The following ENOX1 variants were observed in gnomAD, a reference collection of about 807,000 sequenced individuals.
The protein encoded by ENOX1 is ecto-NOX disulfide-thiol exchanger 1, also known as candidate growth-related and time keeping constitutive hydroquinone (NADH) oxidase.
ENOX1 carries 42 observed loss-of-function variants against 82.5 expected under a neutral mutation model. That is an observed-to-expected ratio of 0.51 (90% CI 0.40 to 0.66). The LOEUF is 0.66. Ranked by LOEUF, ENOX1 falls within the 30% of genes least tolerant of loss-of-function variation. The pLI is 0.00. For missense variants in ENOX1, 608 were observed against 811.6 expected, an observed-to-expected ratio of 0.75 and a Z score of 3.05; for synonymous variants, 271 against 282.2, an observed-to-expected ratio of 0.96 and a Z score of 0.40.
chr13:43,332,313 C>T (rs981268210), intron 9 of ENOX1, among the ~76,000 whole-genome samples: 2 of 152,142 alleles, frequency 1.3e-5, no homozygotes, highest in African/African-American at 4.8e-5. Context: ...ACCTAGATCC[C>T]TTGCATGCAC....
At chr13:43,507,554 C>G (rs976620261) in intron 2 of ENOX1, among the ~76,000 whole-genome samples, 2 of 152,020 alleles carry the variant, frequency 1.3e-5, no homozygotes, top group Non-Finnish European at 2.9e-5. Context: ...CTAGCCAAAT[C>G]TAGCCAAAAT....
At chr13:43,535,349 A>G (rs1016611343) in intron 2 of ENOX1, among the ~76,000 whole-genome samples, 1 of 152,204 alleles carries the variant, frequency 6.6e-6, no homozygotes, top group Non-Finnish European at 1.5e-5. Flanking sequence ...CTGAGCAAAA[A>G]CATATGAGAA....
intron 1 of ENOX1, among the ~76,000 whole-genome samples, chr13:43,671,681 G>A (rs1362065614): frequency 6.6e-6 from 1 of 152,112 alleles, no homozygotes; most frequent in Non-Finnish European, 1.5e-5. Context: ...GAATAGATCT[G>A]CTCTACAGAT....
chr13:43,384,482 C>T (rs73469675), intron 5 of ENOX1, among the ~76,000 whole-genome samples: 2,120 of 152,264 alleles, frequency 0.014, 59 homozygotes, highest in African/African-American at 0.049. Context: ...CCCATAACCC[C>T]ATGAATTAGA....
At chr13:43,300,032 G>C (rs1006459671) in intron 11 of ENOX1, among the ~76,000 whole-genome samples, 2 of 152,164 alleles carry the variant, frequency 1.3e-5, no homozygotes, top group African/African-American at 2.4e-5. Flanking sequence ...TTTTATAGTT[G>C]AGTGTTTTAC....
chr13:43,260,380 T>G (rs1216793615), intron 14 of ENOX1, among the ~76,000 whole-genome samples: 1 of 152,230 alleles, frequency 6.6e-6, no homozygotes, highest in Non-Finnish European at 1.5e-5. Context: ...TGCAAATGAT[T>G]TCTTTAACCC....
rs1008330912 is a variant in ENOX1 at position 43,338,922 on chromosome 13, T to A, written c.1036+5616A>T. ...GGATGGTCTCGATCTCCTGACCTCG[T>A]GATCCGCCCGCCTTGGCCTCCCAAA... On this transcript the variant is annotated intron_variant, in intron 9 of 16. Transcript: ENST00000690772. 1.2e-4 allele frequency among the ~76,000 whole-genome samples: 19 copies of A among 152,242 alleles called. 1 individual carries two copies. The highest frequency in any genetic ancestry group is 4.6e-4 in the African/African-American group (19 of 41,562).
intron 11 of ENOX1, among the ~76,000 whole-genome samples, chr13:43,302,118 A>G (rs2046612189): frequency 6.6e-6 from 1 of 152,196 alleles, no homozygotes; most frequent in South Asian, 2.1e-4. Context: ...ATTAAAAAAA[A>G]AAAAAGTACA....
At chr13:43,778,203 C>G (rs896051510) in intron 1 of ENOX1, among the ~76,000 whole-genome samples, 6 of 152,354 alleles carry the variant, frequency 3.9e-5, no homozygotes, top group Non-Finnish European at 7.3e-5. Flanking sequence ...CAATTAGAAG[C>G]CTGCCTTATC....
chr13:43,617,211 T>A (rs1006156762), intron 2 of ENOX1, among the ~76,000 whole-genome samples: 1 of 152,218 alleles, frequency 6.6e-6, no homozygotes, highest in Non-Finnish European at 1.5e-5. Context: ...ATATAAACAA[T>A]CTGCCAATGC....
intron 12 of ENOX1, among the ~76,000 whole-genome samples, chr13:43,271,924 T>C (rs1464402257): frequency 6.6e-6 from 1 of 152,154 alleles, no homozygotes; most frequent in Non-Finnish European, 1.5e-5. Flanking sequence ...TTATGTTTCT[T>C]ATTGTTTGCT....
chr13:43,476,326 C>A (rs1246295082), intron 3 of ENOX1, among the ~76,000 whole-genome samples: 1 of 151,930 alleles, frequency 6.6e-6, no homozygotes, highest in Non-Finnish European at 1.5e-5. Flanking sequence ...AGACACTAAA[C>A]AACATTTAAC....
intron 2 of ENOX1, among the ~76,000 whole-genome samples, chr13:43,613,008 T>C (rs1318987617): frequency 1.3e-5 from 2 of 152,200 alleles, no homozygotes; most frequent in African/African-American, 4.8e-5. Flanking sequence ...AAGAGATGCA[T>C]GTTTATTAGC....
chr13:43,326,897 G>A (rs1593954399), intron 9 of ENOX1, among the ~76,000 whole-genome samples: 2 of 152,190 alleles, frequency 1.3e-5, no homozygotes, highest in Admixed American at 6.5e-5. Flanking sequence ...GCAAGGGTTG[G>A]GTGCAGAGAA....
intron 1 of ENOX1, among the ~76,000 whole-genome samples, chr13:43,714,647 T>C (rs1594533314): frequency 6.6e-6 from 1 of 152,360 alleles, no homozygotes; most frequent in East Asian, 1.9e-4. Context: ...CTTGTTGAAT[T>C]GATCCCTTTA....
chr13:43,475,332 C>T (rs530839742), intron 3 of ENOX1, among the ~76,000 whole-genome samples: 53 of 152,198 alleles, frequency 3.5e-4, no homozygotes, highest in African/African-American at 1.3e-3. Context: ...AGCGGAGCAG[C>T]AATAGGGAAC....
At chr13:43,472,755 A>T (rs2058122560) in intron 3 of ENOX1, among the ~76,000 whole-genome samples, 1 of 152,234 alleles carries the variant, frequency 6.6e-6, no homozygotes, top group Non-Finnish European at 1.5e-5. Flanking sequence ...GCCTAATATG[A>T]GCCAAGTTCT....
intron 4 of ENOX1, among the ~76,000 whole-genome samples, chr13:43,412,609 A>C (rs2054201088): frequency 6.6e-6 from 1 of 152,248 alleles, no homozygotes; most frequent in Non-Finnish European, 1.5e-5. Flanking sequence ...AAGGATTTCT[A>C]AATAAATAAA....
At chr13:43,322,661 G>A (rs1448259470) in intron 10 of ENOX1, among the ~76,000 whole-genome samples, 160 bp from the exon 11 acceptor site, 1 of 152,124 alleles carries the variant, frequency 6.6e-6, no homozygotes, top group East Asian at 1.9e-4. Context: ...GAGGGGTGTG[G>A]GGTACAGGGG....
Sources: allele counts gnomAD v4.1 joint callset (sites outside exome capture counted in the v4.1 genomes callset), GRCh38; gene constraint gnomAD v4.1.1; transcripts MANE v1.5; gene names NCBI Gene and HGNC (gene_info 2026-07-23, HGNC 2026-07-21).